The following CNTNAP4 variants were observed in gnomAD, a reference collection of about 807,000 sequenced individuals.
The protein encoded by CNTNAP4 is contactin associated protein family member 4, also known as contactin-associated protein-like 4.
Under a neutral mutation model 148.4 loss-of-function variants are expected in CNTNAP4, and 98 were observed. The ratio of observed to expected loss-of-function variants is 0.66; its 90% CI spans 0.56 to 0.78. CNTNAP4 has a LOEUF of 0.78. CNTNAP4 is among the 30% of genes least tolerant of loss of function. The probability of loss-of-function intolerance (pLI) is 0.00; values close to 1 mark genes in which losing one functional copy is unlikely to be tolerated. For missense variants in CNTNAP4, 1,935 were observed against 1,565.6 expected (o/e 1.24, Z -3.98); for synonymous variants, 730 against 565.1 (o/e 1.29, Z -4.14).
chr16:76,471,338 G>A (rs1050050567), intron 10 of CNTNAP4, among the ~76,000 whole-genome samples: 5 of 152,142 alleles, frequency 3.3e-5, no homozygotes, highest in African/African-American at 7.2e-5. Context: ...TTGCTTGGAC[G>A]TAAAACACTT....
intron 12 of CNTNAP4, among the ~76,000 whole-genome samples, chr16:76,486,855 CAGCAGGCACAGCTCTATCT>C (rs1485163095): frequency 6.6e-6 from 1 of 152,140 alleles, no homozygotes; most frequent in Non-Finnish European, 1.5e-5. Context: ...GGTGCAAGTC[CAGCAGGCACAGCTCTATCT>C]AGCACTCACT....
At chr16:76,302,074 G>A (rs1008820658) in intron 1 of CNTNAP4, among the ~76,000 whole-genome samples, 3 of 152,008 alleles carry the variant, frequency 2.0e-5, no homozygotes, top group East Asian at 3.9e-4. Flanking sequence ...CAACCGAAGC[G>A]ACCATTACCA....
chr16:76,398,139 G>A (rs2078278447), intron 3 of CNTNAP4, among the ~76,000 whole-genome samples: 1 of 150,856 alleles, frequency 6.6e-6, no homozygotes, highest in South Asian at 2.1e-4. Flanking sequence ...CAGCGTGGCA[G>A]AAAGAGATAG....
At position 76,334,980 on chromosome 16, in the gene CNTNAP4, T is replaced by C. The variant is rs145418979; in HGVS notation, c.196+18457T>C. 4.7e-3 allele frequency among the ~76,000 whole-genome samples: 711 copies of C among 152,092 alleles called. 2 individuals are homozygous for C. The highest frequency in any genetic ancestry group is 0.015 in the African/African-American group (639 of 41,498). ...CTAGTATTTGTGATCATTTGGTGTA[T>C]TGTGTTGTAGATTGGAAAATGCTGT... On this transcript the variant is annotated intron_variant, in intron 2 of 23. Transcript: ENST00000611870.
intron 3 of CNTNAP4, among the ~76,000 whole-genome samples, chr16:76,384,201 G>A (rs1016279608): frequency 3.3e-5 from 5 of 151,866 alleles, no homozygotes; most frequent in African/African-American, 1.2e-4. Context: ...GCACCACCAT[G>A]CCTGGCTAAT....
At chr16:76,479,025 G>A (rs1202715508) in intron 11 of CNTNAP4, among the ~76,000 whole-genome samples, 1 of 151,972 alleles carries the variant, frequency 6.6e-6, no homozygotes, top group Non-Finnish European at 1.5e-5. Flanking sequence ...CAGACCTTAG[G>A]TTATTACAAG....
intron 1 of CNTNAP4, among the ~76,000 whole-genome samples, chr16:76,310,795 T>A (rs936954507): frequency 1.3e-5 from 2 of 151,854 alleles, no homozygotes; most frequent in African/African-American, 2.4e-5. Flanking sequence ...AAATCAGCCC[T>A]ATTTTTTTTT....
chr16:76,285,343 A>T (rs1958837295), intron 1 of CNTNAP4, among the ~76,000 whole-genome samples: 1 of 152,096 alleles, frequency 6.6e-6, no homozygotes, highest in Non-Finnish European at 1.5e-5. Context: ...TGACATTTTA[A>T]GTAGTTCAAA....
rs146482811 is a variant in CNTNAP4 at position 76,470,482 on chromosome 16, A to AT, written c.1655+2959_1655+2960insT. Among the ~76,000 whole-genome samples, 103 of 96,932 alleles carry AT rather than the reference A, an allele frequency of 1.1e-3. 6 individuals are homozygous for AT. Among genetic ancestry groups the AT allele is most frequent in the Admixed American group, 1.9e-3 (20 of 10,288 alleles). 63.6% of individuals were successfully genotyped at this position (96,932 alleles called of 152,430 possible). A position where few individuals can be genotyped will look rare whatever the true frequency, so the allele number is the denominator to read the frequency against. On this transcript the variant is annotated intron_variant, in intron 10 of 23. Coordinates refer to ENST00000611870, the MANE Select transcript of CNTNAP4 (RefSeq NM_033401.5). ...ATAGCAAAACCACGTCTCTACTAAT[A>AT]ATATATATATATATAAAATTAGTCG...
chr16:76,335,542 C>G (rs556953004), intron 2 of CNTNAP4, among the ~76,000 whole-genome samples: 41 of 152,212 alleles, frequency 2.7e-4, no homozygotes, highest in African/African-American at 8.7e-4. Context: ...CATGAGCAAG[C>G]AAGTATAAAG....
At chr16:76,316,241 C>A in intron 1 of CNTNAP4, 172 bp from the exon 2 acceptor site, 1 of 627,206 alleles carries the variant, frequency 1.6e-6, no homozygotes, top group Non-Finnish European at 2.9e-6. Flanking sequence ...TTTTTCTTTT[C>A]TCATTGAACT....
chr16:76,296,186 T>G (rs1959276460), intron 1 of CNTNAP4, among the ~76,000 whole-genome samples: 1 of 152,204 alleles, frequency 6.6e-6, no homozygotes, highest in Non-Finnish European at 1.5e-5. Context: ...ACATTATGTA[T>G]TGTTGCATTT....
At chr16:76,504,653 C>G (rs1358153547) in intron 15 of CNTNAP4, among the ~76,000 whole-genome samples, 1 of 152,034 alleles carries the variant, frequency 6.6e-6, no homozygotes, top group African/African-American at 2.4e-5. Context: ...TTTAAAATGA[C>G]ACTGTCGAGA....
chr16:76,287,157 T>G (rs942606327), intron 1 of CNTNAP4, among the ~76,000 whole-genome samples: 8 of 152,280 alleles, frequency 5.3e-5, no homozygotes, highest in Admixed American at 5.2e-4. Flanking sequence ...AGGAAAGAAC[T>G]AGGGTACATT....
rs572254435 is a variant in CNTNAP4 at position 76,329,898 on chromosome 16, TTATG to T, written c.196+13377_196+13380del. On this transcript the variant is annotated intron_variant, in intron 2 of 23. Coordinates refer to ENST00000611870, the MANE Select transcript of CNTNAP4 (RefSeq NM_033401.5). ...AGACTGTGTGCCAGAAAGAGAACGT[TTATG>T]TGGGTTTTTCCAAAGTCTCACCATT... 1.1e-4 allele frequency among the ~76,000 whole-genome samples: 16 copies of T among 152,302 alleles called. No homozygotes were observed. In the South Asian group the frequency reaches 3.1e-3, roughly 30 times the overall value.
At chr16:76,486,108 T>C (rs2082015052) in intron 12 of CNTNAP4, among the ~76,000 whole-genome samples, 1 of 152,224 alleles carries the variant, frequency 6.6e-6, no homozygotes, top group Non-Finnish European at 1.5e-5. Flanking sequence ...TTTACAAATA[T>C]TGAAATCTCT....
intron 4 of CNTNAP4, among the ~76,000 whole-genome samples, chr16:76,439,722 C>T (rs369695542): frequency 5.9e-5 from 9 of 152,084 alleles, no homozygotes; most frequent in African/African-American, 1.7e-4. Context: ...ATAAGGGCAC[C>T]TTTTCCCTGT....
intron 3 of CNTNAP4, among the ~76,000 whole-genome samples, chr16:76,408,148 C>G (rs559067379): frequency 6.6e-6 from 1 of 152,008 alleles, no homozygotes; most frequent in East Asian, 1.9e-4. Flanking sequence ...TATAAAGATA[C>G]TATTTATATG....
intron 8 of CNTNAP4, among the ~76,000 whole-genome samples, chr16:76,458,622 A>G (rs771833690): frequency 1.6e-4 from 24 of 152,090 alleles, no homozygotes; most frequent in Non-Finnish European, 2.8e-4. Flanking sequence ...AGGAAAATCT[A>G]ATGCTGCCAG....
Sources: allele counts gnomAD v4.1 joint callset (sites outside exome capture counted in the v4.1 genomes callset), GRCh38; gene constraint gnomAD v4.1.1; transcripts MANE v1.5; gene names NCBI Gene and HGNC (gene_info 2026-07-23, HGNC 2026-07-21).